The following PKHD1 variants were observed in gnomAD, a reference collection of about 807,000 sequenced individuals.
PKHD1 encodes PKHD1 ciliary IPT domain containing fibrocystin/polyductin.
Under a neutral mutation model 412.0 loss-of-function variants are expected in PKHD1, and 291 were observed. The observed-to-expected ratio is 0.71, with a 90% CI of 0.64 to 0.78. The LOEUF (loss-of-function observed/expected upper bound fraction) is 0.78, where lower values mean the gene tolerates loss of function less well. Ranked by LOEUF, PKHD1 falls within the 30% of genes least tolerant of loss-of-function variation. PKHD1 has a pLI of 0.00. For missense variants in PKHD1, 4,825 were observed against 4,950.7 expected (o/e 0.97, Z 0.76); for synonymous variants, 1,777 against 1,821.5 (o/e 0.98, Z 0.62).
chr6:51,805,310 T>C (rs1259167657), intron 52 of PKHD1, among the ~76,000 whole-genome samples: 1 of 151,920 alleles, frequency 6.6e-6, no homozygotes, highest in Non-Finnish European at 1.5e-5. Context: ...TTCTCACTTA[T>C]AAGTGGAGGT....
At chr6:51,741,024 C>G in intron 60 of PKHD1, 1 of 503,762 alleles carries the variant, frequency 2.0e-6, no homozygotes, top group Non-Finnish European at 4.0e-6. Context: ...TGTCCACACA[C>G]TGATAGTAAA....
chr6:51,734,741 A>G (rs1015743508), intron 60 of PKHD1, among the ~76,000 whole-genome samples: 2 of 152,202 alleles, frequency 1.3e-5, no homozygotes, highest in African/African-American at 4.8e-5. Flanking sequence ...AGTTCCAAAC[A>G]GAAGTTTCAC....
At chr6:52,039,340 ATGGGGG>A (rs1804456492) in intron 27 of PKHD1, among the ~76,000 whole-genome samples, 5 of 80,234 alleles carry the variant, frequency 6.2e-5, no homozygotes, top group African/African-American at 2.4e-4. Flanking sequence ...TGATTGCATC[ATGGGGG>A]CAGATTTCCC....
In PKHD1 at chr6:51,803,848, A is replaced by C. The variant is rs192755286; in HGVS notation, c.8303-12475T>G. Among the ~76,000 whole-genome samples the C allele has an allele frequency of 7.3e-5, 11 of 151,406 alleles. 1 individual carries two copies. Among genetic ancestry groups the C allele is most frequent in the African/African-American group, 2.7e-4 (11 of 40,760 alleles). ...CAGCTTCCCTAGTAGCTGGGATTAC[A>C]GGTGCCCATCACCACGCCTGGCTAA... On this transcript the variant is annotated intron_variant, in intron 52 of 66. Coordinates refer to ENST00000371117, the MANE Select transcript of PKHD1 (RefSeq NM_138694.4).
At chr6:51,835,172 G>C (rs1286459654) in intron 51 of PKHD1, among the ~76,000 whole-genome samples, 1 of 152,120 alleles carries the variant, frequency 6.6e-6, no homozygotes, top group Non-Finnish European at 1.5e-5. Context: ...AGAATCCTTA[G>C]TACAGAAATC....
chr6:51,753,890 G>C (rs539251998), intron 56 of PKHD1, among the ~76,000 whole-genome samples: 67 of 152,272 alleles, frequency 4.4e-4, no homozygotes, highest in African/African-American at 1.6e-3. Flanking sequence ...ACAGCAGTGG[G>C]AACTAAGCGT....
intron 60 of PKHD1, among the ~76,000 whole-genome samples, chr6:51,701,538 G>A (rs1244994690): frequency 6.6e-6 from 1 of 151,980 alleles, no homozygotes; most frequent in Non-Finnish European, 1.5e-5. Flanking sequence ...TTAAATTCCA[G>A]TATGATAAAG....
At chr6:51,643,277 T>C (rs1288292987) in intron 63 of PKHD1, among the ~76,000 whole-genome samples, 3 of 152,170 alleles carry the variant, frequency 2.0e-5, no homozygotes, top group Non-Finnish European at 4.4e-5. Flanking sequence ...ATTTTCTTAC[T>C]TTCTTAATGA....
chr6:51,886,530 G>A (rs1188478190), intron 44 of PKHD1, among the ~76,000 whole-genome samples: 2 of 152,192 alleles, frequency 1.3e-5, no homozygotes, highest in Admixed American at 6.5e-5. Flanking sequence ...TGTGCTGGGT[G>A]AGGTAAGCCA....
intron 27 of PKHD1, among the ~76,000 whole-genome samples, chr6:52,038,826 G>A (rs1163320221): frequency 6.6e-6 from 1 of 152,084 alleles, no homozygotes; most frequent in African/African-American, 2.4e-5. Context: ...CATTGGATTA[G>A]GCAATAGTTT....
chr6:52,076,449 C>T, intron 5 of PKHD1, 116 bp from the exon 6 acceptor site: 1 of 755,774 alleles, frequency 1.3e-6, no homozygotes, highest in Non-Finnish European at 2.4e-6. Flanking sequence ...TATATTTACT[C>T]ATGTCACCCT....
rs1290838827 is a variant in PKHD1, at chr6:51,699,954, T to TGTGTGTGTGTGTGTGTGTGTAA, written c.10157-39986_10157-39985insTTACACACACACACACACACAC. ...GTGTGTGTGTGTGTGTGTGTGTGTG[T>TGTGTGTGTGTGTGTGTGTGTAA]GTAAAAACAGTAATTTATTATTACC... On this transcript the variant is annotated intron_variant, in intron 60 of 66. Coordinates refer to ENST00000371117, the MANE Select transcript of PKHD1 (RefSeq NM_138694.4). Among the ~76,000 whole-genome samples the TGTGTGTGTGTGTGTGTGTGTAA allele has an allele frequency of 4.0e-5, 6 of 151,824 alleles. No homozygotes were observed. The East Asian group carries it at 9.6e-4, about 24-fold the overall frequency.
chr6:52,085,320 T>C (rs1301665818), intron 1 of PKHD1, among the ~76,000 whole-genome samples: 1 of 152,248 alleles, frequency 6.6e-6, no homozygotes, highest in African/African-American at 2.4e-5. Flanking sequence ...ATTAAAATTC[T>C]AGTTCGTGAT....
chr6:52,009,767 AAAATGG>A (rs1378221398), intron 35 of PKHD1, among the ~76,000 whole-genome samples: 3 of 152,088 alleles, frequency 2.0e-5, no homozygotes, highest in Non-Finnish European at 4.4e-5. Context: ...AGACAATTTC[AAAATGG>A]GTGAATTGAG....
intron 52 of PKHD1, among the ~76,000 whole-genome samples, chr6:51,823,187 GA>G (rs1321170355): frequency 6.6e-6 from 1 of 152,052 alleles, no homozygotes; most frequent in Non-Finnish European, 1.5e-5. Flanking sequence ...GGCTACAACA[GA>G]AGGTGCCCAA....
chr6:51,952,625 T>A (rs1306378751), intron 36 of PKHD1, among the ~76,000 whole-genome samples: 1 of 152,118 alleles, frequency 6.6e-6, no homozygotes, highest in East Asian at 1.9e-4. Flanking sequence ...AATTAAAAAT[T>A]CTACCTGTGA....
intron 21 of PKHD1, 112 bp from the exon 22 acceptor site, chr6:52,050,407 A>G (rs1806627535): frequency 9.6e-7 from 1 of 1,036,746 alleles, no homozygotes; most frequent in Non-Finnish European, 1.5e-6. Context: ...CACCTAAAGC[A>G]TAGATTCCTA....
chr6:51,679,549 G>A (rs189566755), intron 60 of PKHD1, among the ~76,000 whole-genome samples: 128 of 152,002 alleles, frequency 8.4e-4, no homozygotes, highest in Admixed American at 5.2e-3. Flanking sequence ...ATCTGCACTG[G>A]GAATACAAAA....
At chr6:51,764,090 T>C (rs1336925171) in intron 55 of PKHD1, among the ~76,000 whole-genome samples, 2 of 130,926 alleles carry the variant, frequency 1.5e-5, no homozygotes, top group African/African-American at 5.9e-5. Flanking sequence ...CCCAATGCTA[T>C]CCCTCCCCCC....
Sources: allele counts gnomAD v4.1 joint callset (sites outside exome capture counted in the v4.1 genomes callset), GRCh38; gene constraint gnomAD v4.1.1; transcripts MANE v1.5; gene names NCBI Gene and HGNC (gene_info 2026-07-23, HGNC 2026-07-21).